The following DPPA4 variants were observed in gnomAD, a reference collection of about 807,000 sequenced individuals.
The protein encoded by DPPA4 is developmental pluripotency associated 4.
In DPPA4, 22 loss-of-function variants were observed where a neutral mutation model predicts 33.7. That is an observed-to-expected ratio of 0.65 (90% CI 0.47 to 0.93). The LOEUF (loss-of-function observed/expected upper bound fraction) is 0.93. Ranked by LOEUF, DPPA4 falls within the 40% of genes least tolerant of loss-of-function variation. The pLI, the probability that DPPA4 is intolerant of heterozygous loss-of-function variation, is 0.00. For missense variants in DPPA4, 340 were observed against 358.6 expected (o/e 0.95, Z 0.42); for synonymous variants, 156 against 132.3 (o/e 1.18, Z -1.23).
intron 5 of DPPA4, chr3:109,329,963 G>T (rs1421615202): frequency 6.4e-6 from 1 of 155,576 alleles, no homozygotes; most frequent in Admixed American, 6.3e-5. Context: ...CTCAAACTGT[G>T]GTCCCCAGAC....
chr3:109,330,762 T>G lies in DPPA4; in HGVS notation c.441A>C (p.Lys147Asn). Residue 147 changes from lysine (K) to asparagine (N), a missense_variant, in exon 5 of 7, where the codon AAA (lysine) becomes AAC (asparagine). By Grantham distance (94) the Lys-to-Asn change is moderately conservative. Coordinates refer to ENST00000335658, the MANE Select transcript of DPPA4 (RefSeq NM_018189.4). ...TTTCCCCCTTTTCCACCTTTAATTT[T>G]TTTTGCAATGATTTCCGGATTTTGG... ...KEAKIRKSLQ[K>N]KLKVEKGETS... 6.2e-7 allele frequency: 1 copy of G among 1,613,686 alleles called. No homozygotes were observed. The highest frequency in any genetic ancestry group is 1.7e-5 in the Admixed American group (1 of 59,918).
intron 1 of DPPA4, among the ~76,000 whole-genome samples, chr3:109,337,236 C>T (rs556720921): frequency 4.0e-5 from 6 of 151,518 alleles, no homozygotes; most frequent in Non-Finnish European, 8.8e-5. Flanking sequence ...ACACACTCAA[C>T]CTCCTCAACT....
chr3:109,330,395 C>G (rs1407771682), intron 5 of DPPA4, 129 bp downstream of exon 5: 3 of 975,564 alleles, frequency 3.1e-6, no homozygotes, highest in Non-Finnish European at 3.2e-6. Flanking sequence ...ACCAGAAACT[C>G]TGTGGGCAGG....
intron 6 of DPPA4, among the ~76,000 whole-genome samples, chr3:109,328,340 T>C (rs1451779819): frequency 6.6e-6 from 1 of 152,142 alleles, no homozygotes; most frequent in East Asian, 1.9e-4. Flanking sequence ...TTGCTTGGCA[T>C]AGAGAGATTA....
upstream of DPPA4, among the ~76,000 whole-genome samples, chr3:109,339,633 G>C (rs1250528619): frequency 6.6e-6 from 1 of 151,776 alleles, no homozygotes; most frequent in African/African-American, 2.4e-5. Flanking sequence ...TGGCGCAGGG[G>C]TGCCAGCTAC....
chr3:109,334,006 G>A lies in DPPA4; in HGVS notation c.55-13C>T, dbSNP rs760880508. The A allele has an allele frequency of 1.2e-6, 2 of 1,613,580 alleles. No individual in the cohort carries two copies. Among genetic ancestry groups the A allele is most frequent in the East Asian group, 4.5e-5 (2 of 44,880 alleles). On this transcript the variant is annotated splice_polypyrimidine_tract_variant and intron_variant, in intron 1 of 6. Transcript: ENST00000335658. Reference sequence around the variant, plus strand: ...CTGTGGAGGTCCACTGGGGAACAGAGGAGCTGGTCAGTCATTCCTCTAGTG... The same window carrying A: ...CTGTGGAGGTCCACTGGGGAACAGAAGAGCTGGTCAGTCATTCCTCTAGTG...
chr3:109,337,817 GA>G (rs887026730), upstream of DPPA4, among the ~76,000 whole-genome samples: 3 of 150,812 alleles, frequency 2.0e-5, no homozygotes, highest in East Asian at 3.9e-4. Context: ...ATTCTACGGG[GA>G]AAAAAAACAA....
chr3:109,328,866 TG>T (rs1707991550), intron 6 of DPPA4, 23 bp downstream of exon 6: 1 of 1,591,134 alleles, frequency 6.3e-7, no homozygotes. Context: ...ACTTTTAGTT[TG>T]TAGAAAAGCA....
chr3:109,328,192 C>G (rs1707978043), intron 6 of DPPA4, among the ~76,000 whole-genome samples, 168 bp from the exon 7 acceptor site: 3 of 152,160 alleles, frequency 2.0e-5, no homozygotes, highest in Admixed American at 2.0e-4. Flanking sequence ...GCCAAGTTAT[C>G]ATGCCTCTGT....
At chr3:109,330,848 A>G in intron 4 of DPPA4, 36 bp from the exon 5 acceptor site, 1 of 1,529,056 alleles carries the variant, frequency 6.5e-7, no homozygotes, top group South Asian at 1.3e-5. Flanking sequence ...ATAAAAATAC[A>G]GATTAAAATT....
chr3:109,332,116 T>C, intron 2 of DPPA4, 85 bp from the exon 3 acceptor site: 1 of 1,312,144 alleles, frequency 7.6e-7, no homozygotes. Flanking sequence ...TTTTTTTTCT[T>C]TTTTGAGACA....
At chr3:109,337,427 G>A (rs1708236872) in intron 1 of DPPA4, 37 bp downstream of exon 1, 2 of 1,599,612 alleles carry the variant, frequency 1.3e-6, no homozygotes, top group South Asian at 1.1e-5. Flanking sequence ...GAAACACAAA[G>A]ACAGACAGAA....
intron 4 of DPPA4, 52 bp downstream of exon 4, chr3:109,331,682 T>C (rs1708083443): frequency 6.4e-7 from 1 of 1,571,104 alleles, no homozygotes; most frequent in Non-Finnish European, 8.8e-7. Context: ...CTTTTGAGGC[T>C]ACAATAGGTA....
At chr3:109,330,393 C>T (rs2107341820) in intron 5 of DPPA4, 131 bp downstream of exon 5, 1 of 927,348 alleles carries the variant, frequency 1.1e-6, no homozygotes, top group East Asian at 2.5e-5. Flanking sequence ...GCACCAGAAA[C>T]TCTGTGGGCA....
At chr3:109,335,585 A>C (rs1389317527) in intron 1 of DPPA4, among the ~76,000 whole-genome samples, 1 of 151,396 alleles carries the variant, frequency 6.6e-6, no homozygotes, top group Non-Finnish European at 1.5e-5. Flanking sequence ...CTGCCACCAC[A>C]CCCGGCTGAA....
rs1405331461 is a variant in DPPA4 at position 109,330,525 on chromosome 3, A to G, written c.678T>C (p.Ser226=). Residue 226 remains serine, a splice_region_variant and synonymous_variant, in exon 5 of 7, where the codon TCT becomes TCC. Transcript: ENST00000335658. ...PEAVESPQEA[S]GVRWCVVHGK... ...ATAAGCTCTTCATGTTGCGCTTACC[A>G]GAGGCCTCTTGTGGAGATTCCACTG... 3 of 1,613,846 alleles carry G rather than the reference A, an allele frequency of 1.9e-6. No homozygotes were observed. The highest frequency in any genetic ancestry group is 2.7e-5 in the African/African-American group (2 of 74,852).
chr3:109,333,688 G>T, intron 2 of DPPA4, 182 bp downstream of exon 2: 1 of 586,766 alleles, frequency 1.7e-6, no homozygotes, highest in Non-Finnish European at 2.9e-6. Context: ...GAAGGGATCA[G>T]TTAGAGCAGT....
At chr3:109,337,635 C>T (rs1459269400), upstream of DPPA4, 15 of 833,018 alleles carry the variant, frequency 1.8e-5, no homozygotes, top group Non-Finnish European at 2.8e-5. Context: ...CCCTTCTGTT[C>T]CCTCCCCCAC....
chr3:109,330,957 A>T, intron 4 of DPPA4, 145 bp from the exon 5 acceptor site: 2 of 812,274 alleles, frequency 2.5e-6, no homozygotes, highest in Non-Finnish European at 3.8e-6. Flanking sequence ...AACTATACAT[A>T]GTTAATAACA....
Sources: allele counts gnomAD v4.1 joint callset (sites outside exome capture counted in the v4.1 genomes callset), GRCh38; gene constraint gnomAD v4.1.1; transcripts MANE v1.5; gene names NCBI Gene and HGNC (gene_info 2026-07-23, HGNC 2026-07-21).